The following FKBP14 variants were observed in gnomAD, a reference collection of about 807,000 sequenced individuals.
FKBP14 encodes the protein FKBP prolyl isomerase 14.
A neutral mutation model predicts 21.6 loss-of-function variants in FKBP14; 20 were observed. That is an observed-to-expected ratio of 0.92 (90% CI 0.65 to 1.34). The LOEUF (loss-of-function observed/expected upper bound fraction) is 1.34. Ranked by LOEUF, FKBP14 falls within the 40% of genes most tolerant of loss-of-function variation. The pLI, the probability that FKBP14 is intolerant of heterozygous loss-of-function variation, is 0.00. For synonymous variants in FKBP14, 79 were observed against 86.7 expected (o/e 0.91, Z 0.49); for missense variants, 253 against 249.0 (o/e 1.02, Z -0.11).
intron 1 of FKBP14, chr7:30,025,610 G>C (rs1273177352): frequency 6.6e-6 from 1 of 152,210 alleles, no homozygotes. Flanking sequence ...TGGAACCGAT[G>C]CCTAATTGAA....
downstream of FKBP14, among the ~76,000 whole-genome samples, chr7:30,008,758 C>G (rs988142988): frequency 6.6e-6 from 1 of 151,544 alleles, no homozygotes; most frequent in Admixed American, 6.6e-5. Context: ...AGGCCGATCA[C>G]GAGGTCAGGA....
intron 3 of FKBP14, among the ~76,000 whole-genome samples, chr7:30,017,424 C>A (rs1029480587): frequency 6.6e-6 from 1 of 152,030 alleles, no homozygotes; most frequent in Admixed American, 6.6e-5. Flanking sequence ...CGACAATTAG[C>A]TGGGTATGGT....
intron 3 of FKBP14, among the ~76,000 whole-genome samples, chr7:30,017,004 A>T (rs1300245222): frequency 6.6e-6 from 1 of 152,204 alleles, no homozygotes; most frequent in African/African-American, 2.4e-5. Flanking sequence ...GTGTGAATAA[A>T]GCAAAACGAC....
At chr7:30,024,979 A>G (rs1790136309) in intron 1 of FKBP14, among the ~76,000 whole-genome samples, 1 of 152,212 alleles carries the variant, frequency 6.6e-6, no homozygotes. Context: ...CTAGTTGACA[A>G]GAAGAAAGGG....
At chr7:30,017,639 C>T (rs1789925686) in intron 3 of FKBP14, among the ~76,000 whole-genome samples, 1 of 152,004 alleles carries the variant, frequency 6.6e-6, no homozygotes, top group South Asian at 2.1e-4. Flanking sequence ...GAAGTCTCAG[C>T]CTCAAGCAAT....
intron 1 of FKBP14, among the ~76,000 whole-genome samples, chr7:30,023,129 T>C (rs1790079705): frequency 1.3e-5 from 2 of 152,224 alleles, no homozygotes; most frequent in South Asian, 2.1e-4. Context: ...ATTTTTTGCC[T>C]CTTAACCCTT....
rs780572118 is a variant in FKBP14, at chr7:30,014,776, T to C, written c.595A>G (p.Ile199Val). The C allele has an allele frequency of 7.5e-6, 12 of 1,610,370 alleles. No individual in the cohort carries two copies. Among genetic ancestry groups the C allele is most frequent in the East Asian group, 4.5e-5 (2 of 44,722 alleles). ...DKEDEDKDGF[I>V]SAREFTYKHD... ...TTATATGTAAATTCTCTGGCAGATATAAACCCATCTTTGTCTTCATCTTCT... is the reference window on the plus strand; with the variant it reads ...TTATATGTAAATTCTCTGGCAGATACAAACCCATCTTTGTCTTCATCTTCT... The change falls in exon 4 of 4, where the codon ATA becomes GTA. Residue 199 changes from isoleucine (I) to valine (V), a missense_variant. Transcript: ENST00000222803.
chr7:30,020,222 T>C, intron 2 of FKBP14: 1 of 1,235,904 alleles, frequency 8.1e-7, no homozygotes, highest in Non-Finnish European at 1.0e-6. Context: ...CCATTTCAGA[T>C]CTAGACAGAG....
chr7:30,010,011 A>AG (rs1216469141), downstream of FKBP14, among the ~76,000 whole-genome samples: 1 of 152,122 alleles, frequency 6.6e-6, no homozygotes, highest in African/African-American at 2.4e-5. Context: ...CAACAACAAA[A>AG]GAAAAAAAAT....
At chr7:30,022,163 C>T (rs1034290521) in intron 2 of FKBP14, among the ~76,000 whole-genome samples, 1 of 152,154 alleles carries the variant, frequency 6.6e-6, no homozygotes, top group Admixed American at 6.5e-5. Context: ...ATCTAAAATG[C>T]ATTCAATACT....
chr7:30,014,832 T>C lies in FKBP14; in HGVS notation c.539A>G (p.His180Arg). The C allele has an allele frequency of 2.5e-6, 4 of 1,612,066 alleles. No individual in the cohort carries two copies. The highest frequency in any genetic ancestry group is 2.2e-5 in the South Asian group (2 of 90,678). Residue 180 changes from histidine to arginine, a missense_variant, in exon 4 of 4, where the codon CAT becomes CGT. Physicochemically the swap from His to Arg is conservative, Grantham distance 29. Coordinates refer to ENST00000222803, the MANE Select transcript of FKBP14 (RefSeq NM_017946.4). ...AAAAATATCCTCCACCAAAGCATCA[T>C]GATGACTTTCATTCACCACCGCACC... ...KHGAVVNESH[H>R]DALVEDIFDK...
At chr7:30,015,056 T>C (rs980190579) in intron 3 of FKBP14, among the ~76,000 whole-genome samples, 163 bp from the exon 4 acceptor site, 3 of 152,090 alleles carry the variant, frequency 2.0e-5, no homozygotes, top group Non-Finnish European at 4.4e-5. Flanking sequence ...AATTAAAAAA[T>C]AATAGAAACT....
intron 2 of FKBP14, among the ~76,000 whole-genome samples, chr7:30,020,482 G>A (rs1790002908): frequency 6.6e-6 from 1 of 152,152 alleles, no homozygotes; most frequent in African/African-American, 2.4e-5. Flanking sequence ...TATGTCCCAA[G>A]AATCCCATTA....
chr7:30,022,572 G>GAAA, intron 2 of FKBP14, 93 bp downstream of exon 2: 1 of 1,197,510 alleles, frequency 8.4e-7, no homozygotes, highest in East Asian at 2.7e-5. Context: ...ACTTCCAGGG[G>GAAA]AAAAAAAAAA....
chr7:30,019,831 T>C (rs1789984201), intron 2 of FKBP14, among the ~76,000 whole-genome samples: 1 of 152,132 alleles, frequency 6.6e-6, no homozygotes, highest in Admixed American at 6.6e-5. Flanking sequence ...TTAAAAATAA[T>C]GCAGGAAGGT....
chr7:30,007,267 T>A (rs1229551521), downstream of FKBP14, among the ~76,000 whole-genome samples: 1 of 148,862 alleles, frequency 6.7e-6, no homozygotes, highest in African/African-American at 2.5e-5. Context: ...TGGAGTGCAG[T>A]GGTGCGATCT....
chr7:30,022,698 G>T lies in FKBP14; in HGVS notation c.316C>A (p.Pro106Thr). ...CVGEKRKLII[P>T]PALGYGKEGK... ...TCTTTTCCATAGCCCAGAGCAGGAG[G>T]AATGATGAGCTTTCTCTTCTCTCCT... The change falls in exon 2 of 4, where the codon CCT becomes ACT. Residue 106 changes from proline to threonine, a missense_variant. Coordinates refer to ENST00000222803, the MANE Select transcript of FKBP14 (RefSeq NM_017946.4). The T allele has an allele frequency of 6.2e-7, 1 of 1,614,044 alleles. No individual in the cohort carries two copies. Among genetic ancestry groups the T allele is most frequent in the Non-Finnish European group, 8.5e-7 (1 of 1,179,978 alleles).
In FKBP14 at chr7:30,022,813, G is replaced by C. The variant is rs748124027; in HGVS notation, c.201C>G (p.His67Gln). ...AAATGGGCTGACCATTGTTATGTTT[G>C]TGACTATGATAGAAATAAAACACAT... is the stretch of plus-strand genomic sequence containing the variant. ...EKDGSLFHST[H>Q]KHNNGQPIWF... The change falls in exon 2 of 4, where the codon CAC (histidine) becomes CAG (glutamine). Residue 67 changes from histidine (H) to glutamine (Q), a missense_variant. By Grantham distance (24) the His-to-Gln change is conservative. Coordinates refer to ENST00000222803, the MANE Select transcript of FKBP14 (RefSeq NM_017946.4). The C allele has an allele frequency of 1.2e-6, 2 of 1,611,748 alleles. No individual in the cohort carries two copies. The highest frequency in any genetic ancestry group is 2.2e-5 in the East Asian group (1 of 44,858).
At chr7:30,008,676 T>TAA (rs555628865), downstream of FKBP14, among the ~76,000 whole-genome samples, 18 of 115,262 alleles carry the variant, frequency 1.6e-4, no homozygotes, top group South Asian at 2.9e-4. Flanking sequence ...AGCTGAGATT[T>TAA]AAAAAAAAAA....
Sources: gnomAD v4.1 joint callset for allele counts (sites outside exome capture counted in the v4.1 genomes callset) on GRCh38, gnomAD v4.1.1 for gene constraint, MANE v1.5 for transcripts, NCBI Gene and HGNC (gene_info 2026-07-23, HGNC 2026-07-21) for gene names.